LINGO2: variants seen among roughly 807,000 people sequenced by gnomAD.
LINGO2 encodes leucine-rich repeat and immunoglobulin-like domain-containing nogo receptor-interacting protein 2.
LINGO2 carries 14 observed loss-of-function variants against 30.6 expected under a neutral mutation model. That is an observed-to-expected ratio of 0.46 (90% CI 0.30 to 0.72). The LOEUF (loss-of-function observed/expected upper bound fraction) is 0.72. Among genes scored for constraint, LINGO2 ranks in the 30% least tolerant of loss-of-function variants. LINGO2 has a pLI of 0.07. For synonymous variants in LINGO2, 317 were observed against 288.5 expected, an observed-to-expected ratio of 1.10 and a Z score of -1.00; for missense variants, 729 against 751.7, an observed-to-expected ratio of 0.97 and a Z score of 0.35.
At chr9:28,860,059 T>A in the LINGO2 span, among the ~76,000 whole-genome samples, 38 of 152,120 alleles carry the variant, frequency 2.5e-4, no homozygotes, top group African/African-American at 8.7e-4. Flanking sequence ...TTCCAATAAA[T>A]TAAATAAAAC....
intron 1 of LINGO2, among the ~76,000 whole-genome samples, chr9:28,572,944 C>G (rs1423368371): frequency 6.6e-6 from 1 of 152,118 alleles, no homozygotes; most frequent in Non-Finnish European, 1.5e-5. Flanking sequence ...GCCTAAGTAA[C>G]TAAACCTTCC....
chr9:27,954,615 T>A (rs1316804422), intron 5 of LINGO2, among the ~76,000 whole-genome samples: 1 of 152,218 alleles, frequency 6.6e-6, no homozygotes, highest in Non-Finnish European at 1.5e-5. Flanking sequence ...TTAGATTGAT[T>A]CTGTATCTTT....
intron 4 of LINGO2, among the ~76,000 whole-genome samples, chr9:28,064,199 T>C (rs1825240590): frequency 6.6e-6 from 1 of 152,126 alleles, no homozygotes; most frequent in Admixed American, 6.6e-5. Context: ...TGTGGTCTCT[T>C]GCTGTGTTTA....
chr9:28,739,976 C>T, the LINGO2 span, among the ~76,000 whole-genome samples: 1 of 149,582 alleles, frequency 6.7e-6, no homozygotes, highest in South Asian at 2.1e-4. Context: ...TGTTATCAAC[C>T]TTGTTTTCCC....
intron 4 of LINGO2, among the ~76,000 whole-genome samples, chr9:28,090,399 C>T (rs1826044200): frequency 2.0e-5 from 3 of 152,196 alleles, no homozygotes; most frequent in South Asian, 4.1e-4. Flanking sequence ...GGATGCAAGG[C>T]TGGTTCAACA....
chr9:28,659,396 A>AC (rs928930291), intron 1 of LINGO2, among the ~76,000 whole-genome samples: 5 of 152,068 alleles, frequency 3.3e-5, no homozygotes, highest in African/African-American at 1.2e-4. Context: ...AGGAAAGATT[A>AC]CCTTCTTCAA....
intron 5 of LINGO2, among the ~76,000 whole-genome samples, chr9:27,973,252 T>G (rs919521705): frequency 6.6e-6 from 1 of 152,194 alleles, no homozygotes; most frequent in African/African-American, 2.4e-5. Flanking sequence ...ATGTCATTGT[T>G]GGCTTAAAGC....
upstream of LINGO2, among the ~76,000 whole-genome samples, chr9:28,671,476 T>G (rs1394843480): frequency 7.3e-6 from 1 of 136,542 alleles, no homozygotes. Flanking sequence ...ATGACCTTTT[T>G]AGCAACATGG....
At chr9:28,325,305 C>A (rs913910998) in intron 3 of LINGO2, among the ~76,000 whole-genome samples, 2 of 152,006 alleles carry the variant, frequency 1.3e-5, no homozygotes, top group African/African-American at 2.4e-5. Flanking sequence ...TTAGAAAAGT[C>A]TTTTTTAAGG....
At chr9:28,336,974 G>A (rs985893614) in intron 3 of LINGO2, among the ~76,000 whole-genome samples, 3 of 151,284 alleles carry the variant, frequency 2.0e-5, no homozygotes, top group Non-Finnish European at 4.4e-5. Context: ...CTGTTTTGAA[G>A]TACTAAAATT....
the LINGO2 span, among the ~76,000 whole-genome samples, chr9:29,185,686 T>C: frequency 2.0e-5 from 3 of 152,190 alleles, no homozygotes; most frequent in Non-Finnish European, 2.9e-5. Context: ...ATGTTACAAA[T>C]GGTACTTAGA....
At chr9:28,538,109 A>C (rs1383881310) in intron 1 of LINGO2, among the ~76,000 whole-genome samples, 1 of 152,096 alleles carries the variant, frequency 6.6e-6, no homozygotes, top group Non-Finnish European at 1.5e-5. Flanking sequence ...GAGTGAGGGC[A>C]AAATAGATAT....
intron 4 of LINGO2, among the ~76,000 whole-genome samples, chr9:28,181,961 T>C (rs1204212487): frequency 2.0e-5 from 3 of 152,110 alleles, no homozygotes; most frequent in African/African-American, 7.2e-5. Flanking sequence ...AGAAACAAAC[T>C]ACTTTAAATT....
intron 3 of LINGO2, among the ~76,000 whole-genome samples, chr9:28,304,053 C>A (rs540177606): frequency 6.6e-6 from 1 of 152,074 alleles, no homozygotes; most frequent in Admixed American, 6.6e-5. Flanking sequence ...CTGGGTTTCC[C>A]TGCAATATGA....
At chr9:27,986,877 A>T (rs1464265469) in intron 5 of LINGO2, among the ~76,000 whole-genome samples, 1 of 151,862 alleles carries the variant, frequency 6.6e-6, no homozygotes, top group Non-Finnish European at 1.5e-5. Flanking sequence ...GGGATGTTCT[A>T]CTATCCAAGA....
At chr9:28,250,896 C>T (rs1477617307) in intron 4 of LINGO2, among the ~76,000 whole-genome samples, 2 of 141,212 alleles carry the variant, frequency 1.4e-5, no homozygotes, top group Non-Finnish European at 3.2e-5. Context: ...TGTGGATCTC[C>T]GTCAGTTGGG....
chr9:28,845,666 A>T, the LINGO2 span, among the ~76,000 whole-genome samples: 2 of 151,944 alleles, frequency 1.3e-5, no homozygotes, highest in East Asian at 3.9e-4. Context: ...AACATTTAAT[A>T]GTTTATATAT....
intron 4 of LINGO2, among the ~76,000 whole-genome samples, chr9:28,237,422 GCAGGAGTAAGTCAC>G (rs1821613360): frequency 6.6e-6 from 1 of 151,936 alleles, no homozygotes; most frequent in Admixed American, 6.6e-5. Context: ...TAATAAAATG[GCAGGAGTAAGTCAC>G]CACTTATCTG....
intron 4 of LINGO2, among the ~76,000 whole-genome samples, chr9:28,197,692 A>T (rs1820063851): frequency 6.6e-6 from 1 of 152,010 alleles, no homozygotes; most frequent in Admixed American, 6.5e-5. Flanking sequence ...AAACTATTAA[A>T]AGGAAAGAGT....
Sources: allele counts gnomAD v4.1 joint callset (sites outside exome capture counted in the v4.1 genomes callset), GRCh38; gene constraint gnomAD v4.1.1; transcripts MANE v1.5; gene names NCBI Gene and HGNC (gene_info 2026-07-23, HGNC 2026-07-21).